Variants in PCDHA8 observed in about 807,000 individuals in gnomAD.
The protein encoded by PCDHA8 is protocadherin alpha-8.
PCDHA8 carries 53 observed loss-of-function variants against 61.8 expected under a neutral mutation model. The observed-to-expected ratio is 0.86, with a 90% CI of 0.69 to 1.08. PCDHA8 has a LOEUF of 1.08. Among genes scored for constraint, PCDHA8 ranks in the 50% least tolerant of loss-of-function variants. The pLI, the probability that PCDHA8 is intolerant of heterozygous loss-of-function variation, is 0.00. For synonymous variants in PCDHA8, 618 were observed against 556.6 expected (o/e 1.11, Z -1.55); for missense variants, 1,293 against 1,245.0 (o/e 1.04, Z -0.58).
At chr5:140,920,323 T>C (rs1448405138) in intron 1 of PCDHA8, among the ~76,000 whole-genome samples, 3 of 152,212 alleles carry the variant, frequency 2.0e-5, no homozygotes, top group Non-Finnish European at 4.4e-5. Context: ...AAATTATATA[T>C]TTATGGCATT....
In PCDHA8 at chr5:140,853,541, G is replaced by C. The variant is rs1554146703; in HGVS notation, c.2394+9826G>C. On this transcript the variant is annotated intron_variant, in intron 1 of 3. Coordinates refer to ENST00000531613, the MANE Select transcript of PCDHA8 (RefSeq NM_018911.3). Reference sequence around the variant, plus strand: ...CTCCTCCTATGTCTCTTTTCAAGTTGTAATTACTATATAGGAAAAACTAAG... The same window carrying C: ...CTCCTCCTATGTCTCTTTTCAAGTTCTAATTACTATATAGGAAAAACTAAG... 3 of 979,204 alleles carry C rather than the reference G, an allele frequency of 3.1e-6. 1 individual carries two copies. The highest frequency in any genetic ancestry group is 3.7e-6 in the Non-Finnish European group (3 of 812,050). 60.7% of individuals were successfully genotyped at this position (979,204 alleles called of 1,614,324 possible). A position where few individuals can be genotyped will look rare whatever the true frequency, so the allele number is the denominator to read the frequency against.
intron 1 of PCDHA8, among the ~76,000 whole-genome samples, chr5:140,977,958 C>T (rs1912706): frequency 0.036 from 5,518 of 152,194 alleles, 299 homozygotes; most frequent in African/African-American, 0.12. Context: ...AGGGCCACCT[C>T]AATCTCCGCC....
chr5:140,949,935 T>C (rs1554219235), intron 1 of PCDHA8, among the ~76,000 whole-genome samples: 1 of 151,898 alleles, frequency 6.6e-6, no homozygotes, highest in East Asian at 1.9e-4. Context: ...TTTTTTTTAA[T>C]TTGCATTTTT....
At chr5:140,959,602 CT>C (rs1554224184) in intron 1 of PCDHA8, among the ~76,000 whole-genome samples, 1 of 152,008 alleles carries the variant, frequency 6.6e-6, no homozygotes, top group Admixed American at 6.6e-5. Flanking sequence ...GTATAACATG[CT>C]TTTCTTGCTT....
chr5:140,883,179 C>A, intron 1 of PCDHA8: 4 of 1,613,776 alleles, frequency 2.5e-6, no homozygotes, highest in Non-Finnish European at 1.7e-6. Flanking sequence ...GAAATTAGGA[C>A]AAAAGGCAAA....
intron 1 of PCDHA8, chr5:140,859,594 C>G (rs2045925164): frequency 6.1e-6 from 1 of 164,452 alleles, no homozygotes; most frequent in Non-Finnish European, 1.3e-5. Context: ...TGGCTCTTAG[C>G]AATTACTTTT....
chr5:140,850,089 C>G (rs2150466506), intron 1 of PCDHA8: 1 of 1,596,512 alleles, frequency 6.3e-7, no homozygotes, highest in Non-Finnish European at 8.6e-7. Flanking sequence ...GGAGCTGCTA[C>G]AGTTCCAGGT....
chr5:140,908,778 C>G (rs1452710808), intron 1 of PCDHA8, among the ~76,000 whole-genome samples: 1 of 152,184 alleles, frequency 6.6e-6, no homozygotes, highest in Non-Finnish European at 1.5e-5. Flanking sequence ...GTAGAGTCTT[C>G]TCCTGTTCTG....
chr5:140,857,995 G>A, intron 1 of PCDHA8: 1 of 1,597,106 alleles, frequency 6.3e-7, no homozygotes, highest in East Asian at 2.2e-5. Context: ...TACTGGTGCT[G>A]GTGAAGGACC....
intron 1 of PCDHA8, among the ~76,000 whole-genome samples, chr5:140,875,040 T>C (rs1369679625): frequency 2.0e-5 from 3 of 152,340 alleles, no homozygotes; most frequent in Admixed American, 2.0e-4. Flanking sequence ...ATTTGAAAGA[T>C]TTCTACTTTG....
chr5:140,895,838 TCTCA>T (rs1554186667), intron 1 of PCDHA8, among the ~76,000 whole-genome samples: 2 of 152,136 alleles, frequency 1.3e-5, no homozygotes, highest in Admixed American at 1.3e-4. Context: ...TCAGACAAAG[TCTCA>T]CTCTTGTACC....
Position 140,843,193 on chromosome 5 carries a change from G to A in PCDHA8, c.1872G>A (p.Val624=), listed in dbSNP as rs2150355040. The A allele has an allele frequency of 5.0e-6, 8 of 1,595,932 alleles. 1 individual carries two copies. The highest frequency in any genetic ancestry group is 6.9e-6 in the Non-Finnish European group (8 of 1,165,582). The change falls in exon 1 of 4, where the codon GTG becomes GTA. Residue 624 remains valine, a synonymous_variant. Transcript: ENST00000531613. The part of the protein sequence containing the change: ...AASSPRIPFR[V]GLYTGEISTT... ...GCAGCCCTCGCATCCCGTTCCGCGTGGGGCTGTACACGGGCGAGATCAGCA... is the reference window on the plus strand; with the variant it reads ...GCAGCCCTCGCATCCCGTTCCGCGTAGGGCTGTACACGGGCGAGATCAGCA...
At chr5:140,889,705 CA>C (rs1440108575) in intron 1 of PCDHA8, among the ~76,000 whole-genome samples, 2 of 152,132 alleles carry the variant, frequency 1.3e-5, no homozygotes, top group Non-Finnish European at 1.5e-5. Flanking sequence ...GCATATTCCA[CA>C]AGTTCTTTGC....
At chr5:140,985,227 G>A (rs557750656) in intron 3 of PCDHA8, among the ~76,000 whole-genome samples, 5 of 152,206 alleles carry the variant, frequency 3.3e-5, no homozygotes, top group Non-Finnish European at 2.9e-5. Flanking sequence ...GTGAGCCACC[G>A]CGCCTGGCCT....
intron 1 of PCDHA8, chr5:140,863,338 C>G: frequency 2.2e-6 from 3 of 1,361,684 alleles, no homozygotes; most frequent in Non-Finnish European, 3.0e-6. Flanking sequence ...GCTCACGTTG[C>G]TGCTGTACAC....
intron 1 of PCDHA8, among the ~76,000 whole-genome samples, chr5:140,957,344 G>A (rs994510401): frequency 5.9e-5 from 9 of 152,114 alleles, no homozygotes; most frequent in Non-Finnish European, 1.2e-4. Context: ...TATTTTGAGA[G>A]AGAGACCACA....
intron 1 of PCDHA8, chr5:140,860,225 A>ATATATAT (rs2046281831): frequency 6.6e-6 from 1 of 151,528 alleles, no homozygotes. Context: ...ATGTATATAT[A>ATATATAT]AGCCAGGCAT....
chr5:140,877,582 A>G, intron 1 of PCDHA8: 1 of 1,613,772 alleles, frequency 6.2e-7, no homozygotes, highest in East Asian at 2.2e-5. Context: ...CATCATCGCC[A>G]TCTGTGCGGT....
rs2150424631 is a variant in PCDHA8 at position 140,848,919 on chromosome 5, A to G, written c.2394+5204A>G. ...CCCAGCGACACAAAAGAATCTGTTC[A>G]TCGCGGAATCCAGGCCGCTTGACTC... is the stretch of plus-strand genomic sequence containing the variant. On this transcript the variant is annotated intron_variant, in intron 1 of 3. Coordinates refer to ENST00000531613, the MANE Select transcript of PCDHA8 (RefSeq NM_018911.3). 5 of 1,608,020 alleles carry G rather than the reference A, an allele frequency of 3.1e-6. No homozygotes were observed. The South Asian group carries it at 5.5e-5, about 18-fold the overall frequency.
Sources: gnomAD v4.1 joint callset for allele counts (sites outside exome capture counted in the v4.1 genomes callset) on GRCh38, gnomAD v4.1.1 for gene constraint, MANE v1.5 for transcripts, NCBI Gene and HGNC (gene_info 2026-07-23, HGNC 2026-07-21) for gene names.